INVS: variants seen among roughly 807,000 people sequenced by gnomAD.
INVS encodes inversion of embryo turning homolog.
Under a neutral mutation model 108.8 loss-of-function variants are expected in INVS, and 86 were observed. That is an observed-to-expected ratio of 0.79 (90% CI 0.66 to 0.95). The LOEUF (loss-of-function observed/expected upper bound fraction) is 0.95. Ranked by LOEUF, INVS falls within the 40% of genes least tolerant of loss-of-function variation. The pLI, the probability that INVS is intolerant of heterozygous loss-of-function variation, is 0.00. For missense variants in INVS, 1,169 were observed against 1,297.4 expected, an observed-to-expected ratio of 0.90 and a Z score of 1.52; for synonymous variants, 455 against 473.5, an observed-to-expected ratio of 0.96 and a Z score of 0.51.
intron 5 of INVS, among the ~76,000 whole-genome samples, chr9:100,235,627 C>T (rs796860184): frequency 1.6e-4 from 24 of 152,242 alleles, no homozygotes; most frequent in African/African-American, 5.8e-4. Flanking sequence ...ACTTATGAAG[C>T]TTAGTTTGGC....
chr9:100,221,804 G>C (rs1831160830), intron 3 of INVS, among the ~76,000 whole-genome samples: 1 of 152,214 alleles, frequency 6.6e-6, no homozygotes, highest in South Asian at 2.1e-4. Context: ...TTTTGAGAGA[G>C]AGAGACCACA....
At position 100,297,159 on chromosome 9, in the gene INVS, C is replaced by A. The variant is rs767170405; in HGVS notation, c.3016+13C>A. The A allele has an allele frequency of 3.1e-6, 5 of 1,606,268 alleles. No homozygotes were observed. The highest frequency in any genetic ancestry group is 1.3e-5 in the African/African-American group (1 of 74,746). Reference sequence around the variant, plus strand: ...AAGCAAATCTATGGTAACTGTCCTTCTGCCTACTTTGTAGTTCACAAGTAC... The same window carrying A: ...AAGCAAATCTATGGTAACTGTCCTTATGCCTACTTTGTAGTTCACAAGTAC... On this transcript the variant is annotated intron_variant, in intron 15 of 16. Transcript: ENST00000262457.
intron 3 of INVS, among the ~76,000 whole-genome samples, chr9:100,184,656 T>C (rs997276426): frequency 2.0e-5 from 3 of 152,176 alleles, no homozygotes; most frequent in Non-Finnish European, 4.4e-5. Flanking sequence ...TTTGCTACAT[T>C]GGGAAGACAT....
At chr9:100,121,241 T>G (rs1827719389) in intron 2 of INVS, among the ~76,000 whole-genome samples, 1 of 152,208 alleles carries the variant, frequency 6.6e-6, no homozygotes, top group East Asian at 1.9e-4. Flanking sequence ...AACTTGAAGT[T>G]AAATGATTAA....
intron 7 of INVS, among the ~76,000 whole-genome samples, chr9:100,244,190 C>T (rs1225936915): frequency 6.6e-6 from 1 of 152,132 alleles, no homozygotes; most frequent in Non-Finnish European, 1.5e-5. Context: ...TTCCTAATAA[C>T]TTATTCAATT....
rs143738997 is a variant in INVS at position 100,231,900 on chromosome 9, C to G, written c.615+2073C>G. The stretch of plus-strand genomic sequence containing the variant: ...AGGATTCCTGGGTCAAATGGTATTT[C>G]TGGTTCTAGATCCTTGAGGAGTCAC... On this transcript the variant is annotated intron_variant, in intron 5 of 16. Transcript: ENST00000262457. 5.3e-3 allele frequency among the ~76,000 whole-genome samples: 808 copies of G among 152,256 alleles called. 7 individuals are homozygous for G. Among genetic ancestry groups the G allele is most frequent in the African/African-American group, 0.018 (761 of 41,552 alleles).
intron 6 of INVS, 75 bp downstream of exon 6, chr9:100,240,315 G>A: frequency 9.2e-7 from 1 of 1,083,022 alleles, no homozygotes; most frequent in Non-Finnish European, 1.4e-6. Flanking sequence ...CCCTTCCACT[G>A]TTTACTCCCA....
intron 3 of INVS, among the ~76,000 whole-genome samples, chr9:100,144,494 G>C (rs1828539303): frequency 6.6e-6 from 1 of 152,076 alleles, no homozygotes. Flanking sequence ...AACTGGGCTG[G>C]GTTTTTCATA....
At chr9:100,202,186 A>C (rs1334642399) in intron 3 of INVS, among the ~76,000 whole-genome samples, 1 of 152,030 alleles carries the variant, frequency 6.6e-6, no homozygotes, top group Non-Finnish European at 1.5e-5. Flanking sequence ...TCATTCAGGG[A>C]GTCATTCCTT....
chr9:100,243,642 G>A (rs1317089761), intron 7 of INVS, among the ~76,000 whole-genome samples: 1 of 152,142 alleles, frequency 6.6e-6, no homozygotes, highest in Non-Finnish European at 1.5e-5. Flanking sequence ...ATCCAAGGAT[G>A]CACATGTTAA....
At chr9:100,181,555 C>G (rs1829888309) in intron 3 of INVS, among the ~76,000 whole-genome samples, 1 of 152,110 alleles carries the variant, frequency 6.6e-6, no homozygotes, top group Non-Finnish European at 1.5e-5. Context: ...ATACAACTAT[C>G]AAGTGATGTG....
chr9:100,100,921 T>TCTATA (rs1564112270), intron 1 of INVS, among the ~76,000 whole-genome samples: 1 of 28,818 alleles, frequency 3.5e-5, no homozygotes, highest in Non-Finnish European at 4.9e-5. Context: ...ATTATATGTA[T>TCTATA]ATATATAATA....
At chr9:100,281,661 CTAAT>C (rs1206182413) in intron 12 of INVS, among the ~76,000 whole-genome samples, 1 of 152,106 alleles carries the variant, frequency 6.6e-6, no homozygotes, top group East Asian at 1.9e-4. Context: ...AGACCAGGGG[CTAAT>C]TATTCATTCA....
intron 3 of INVS, among the ~76,000 whole-genome samples, chr9:100,180,252 A>AT (rs1457056948): frequency 1.3e-5 from 2 of 151,066 alleles, no homozygotes; most frequent in Non-Finnish European, 3.0e-5. Flanking sequence ...GAGCAAACAA[A>AT]TTCAGAAGAC....
chr9:100,165,742 G>A (rs1829343891), intron 3 of INVS, among the ~76,000 whole-genome samples: 1 of 152,078 alleles, frequency 6.6e-6, no homozygotes, highest in Non-Finnish European at 1.5e-5. Flanking sequence ...CCTGTGGGAG[G>A]CCTGTCAAGT....
In INVS at chr9:100,264,892, C is replaced by T. The variant is rs1261151133; in HGVS notation, c.1535C>T (p.Ala512Val). The change falls in exon 11 of 17, where the codon GCT (alanine) becomes GTT (valine). Residue 512 changes from alanine (A) to valine (V), a missense_variant. By Grantham distance (64) the Ala-to-Val change is moderately conservative (BLOSUM62 0). Around this residue, in one of 3 missense-constraint regions of INVS, gnomAD observed 271 missense variants for 363.8 expected, o/e 0.74. Coordinates refer to ENST00000262457, the MANE Select transcript of INVS (RefSeq NM_014425.5). The part of the protein sequence containing the change: ...LDAIKLLLDF[A>V]AFPNQMENNE... ...GCCATTAAATTACTGCTAGACTTTGCTGCTTTCCCTAATCAGATGGAAAAC... is the reference window on the plus strand; with the variant it reads ...GCCATTAAATTACTGCTAGACTTTGTTGCTTTCCCTAATCAGATGGAAAAC... 1 of 1,612,420 alleles carries T rather than the reference C, an allele frequency of 6.2e-7. No homozygotes were observed. Among genetic ancestry groups the T allele is most frequent in the Non-Finnish European group, 8.5e-7 (1 of 1,179,312 alleles).
At chr9:100,100,804 T>TAC (rs1564111829) in intron 1 of INVS, among the ~76,000 whole-genome samples, 1 of 12,598 alleles carries the variant, frequency 7.9e-5, no homozygotes, top group Non-Finnish European at 1.3e-4. Flanking sequence ...ATAATATATG[T>TAC]ATATATAATA....
At chr9:100,214,122 A>C (rs973026285) in intron 3 of INVS, among the ~76,000 whole-genome samples, 2 of 152,228 alleles carry the variant, frequency 1.3e-5, no homozygotes, top group African/African-American at 4.8e-5. Flanking sequence ...GTAGCAGGAT[A>C]AAAACATCCT....
intron 3 of INVS, among the ~76,000 whole-genome samples, chr9:100,165,227 G>A (rs1829324503): frequency 6.6e-6 from 1 of 151,966 alleles, no homozygotes; most frequent in African/African-American, 2.4e-5. Flanking sequence ...ATCACCTCAA[G>A]CATTTATCAT....
Sources: allele counts gnomAD v4.1 joint callset (sites outside exome capture counted in the v4.1 genomes callset), GRCh38; gene constraint gnomAD v4.1.1; regional missense constraint gnomAD v4.1.1; transcripts MANE v1.5; gene names NCBI Gene and HGNC (gene_info 2026-07-23, HGNC 2026-07-21).